ERC2: variants seen among roughly 807,000 people sequenced by gnomAD.
The protein encoded by ERC2 is ELKS/RAB6-interacting/CAST family member 2.
A neutral mutation model predicts 114.8 loss-of-function variants in ERC2; 42 were observed. The ratio of observed to expected loss-of-function variants is 0.37; its 90% CI spans 0.29 to 0.47. The LOEUF (loss-of-function observed/expected upper bound fraction) is 0.47, where lower values mean the gene tolerates loss of function less well. Among genes scored for constraint, ERC2 ranks in the 20% least tolerant of loss-of-function variants. The pLI is 0.99. For missense variants in ERC2, 939 were observed against 1,150.7 expected (o/e 0.82, Z 2.66); for synonymous variants, 454 against 425.5 (o/e 1.07, Z -0.82).
intron 3 of ERC2, among the ~76,000 whole-genome samples, chr3:56,244,512 C>T (rs2051544937): frequency 6.6e-6 from 1 of 151,986 alleles, no homozygotes; most frequent in Non-Finnish European, 1.5e-5. Flanking sequence ...CCCTGAAGAC[C>T]TTCCAGTGGG....
Position 55,582,019 on chromosome 3 carries a change from C to T in ERC2, c.*40-70743G>A, listed in dbSNP as rs532161797. Among the ~76,000 whole-genome samples, 33 of 152,312 alleles carry T rather than the reference C, an allele frequency of 2.2e-4. No homozygotes were observed. The South Asian group carries it at 6.6e-3, about 31-fold the overall frequency. ...CCAGTCCTGCAGTTATACACAGGCT[C>T]TCATCAACCTCCTGGCCTCTGTACA... On this transcript the variant is annotated intron_variant, in intron 17 of 17. Transcript: ENST00000288221.
intron 17 of ERC2, among the ~76,000 whole-genome samples, chr3:55,616,410 T>TA (rs1211962768): frequency 6.6e-6 from 1 of 152,178 alleles, no homozygotes; most frequent in African/African-American, 2.4e-5. Flanking sequence ...TTTATACAGA[T>TA]ACGTTTTTAT....
At chr3:55,818,945 G>C (rs1182035894) in intron 14 of ERC2, among the ~76,000 whole-genome samples, 2 of 152,156 alleles carry the variant, frequency 1.3e-5, no homozygotes, top group Non-Finnish European at 2.9e-5. Flanking sequence ...TGGGCACATA[G>C]GAAGGAACAA....
At chr3:55,705,498 A>G (rs2063434757) in intron 15 of ERC2, among the ~76,000 whole-genome samples, 1 of 152,194 alleles carries the variant, frequency 6.6e-6, no homozygotes, top group Admixed American at 6.5e-5. Context: ...TCAAAATAAC[A>G]TCAACCTGTG....
chr3:55,612,988 T>TA (rs1259040526), intron 17 of ERC2: 1 of 152,262 alleles, frequency 6.6e-6, no homozygotes, highest in African/African-American at 2.4e-5. Context: ...AATGCAAATG[T>TA]AACTGGATGT....
At chr3:55,537,248 T>C (rs1295616116) in intron 17 of ERC2, among the ~76,000 whole-genome samples, 5 of 152,178 alleles carry the variant, frequency 3.3e-5, no homozygotes, top group Non-Finnish European at 5.9e-5. Flanking sequence ...AATCAATGTC[T>C]GCAAATGACA....
In ERC2 at chr3:56,108,506, A is replaced by G. The variant is rs1011188464; in HGVS notation, c.1474-27522T>C. 6.6e-5 allele frequency among the ~76,000 whole-genome samples: 10 copies of G among 152,242 alleles called. No individual in the cohort carries two copies. The South Asian group carries it at 1.9e-3, about 28-fold the overall frequency. ...GATCTGAATACAAATATATATACACATATCTATTTCTTATACATATTTCAA... is the reference window on the plus strand; with the variant it reads ...GATCTGAATACAAATATATATACACGTATCTATTTCTTATACATATTTCAA... On this transcript the variant is annotated intron_variant, in intron 6 of 17. Transcript: ENST00000288221.
At chr3:56,002,695 T>G (rs898931105) in intron 10 of ERC2, among the ~76,000 whole-genome samples, 5 of 152,172 alleles carry the variant, frequency 3.3e-5, no homozygotes, top group Admixed American at 2.0e-4. Context: ...AATCTAAACC[T>G]GTTTTAACTT....
intron 14 of ERC2, among the ~76,000 whole-genome samples, chr3:55,873,645 T>TCCCCTTTG (rs1490911991): frequency 6.6e-6 from 1 of 152,194 alleles, no homozygotes; most frequent in East Asian, 1.9e-4. Context: ...AATCTAGTTT[T>TCCCCTTTG]CCCCTTTGAT....
At chr3:56,218,702 G>A (rs1268277000) in intron 3 of ERC2, among the ~76,000 whole-genome samples, 1 of 152,152 alleles carries the variant, frequency 6.6e-6, no homozygotes, top group African/African-American at 2.4e-5. Context: ...TAGGTTTATT[G>A]CGGCACTATT....
intron 12 of ERC2, among the ~76,000 whole-genome samples, chr3:55,956,707 T>C (rs2067977891): frequency 6.6e-6 from 1 of 152,170 alleles, no homozygotes; most frequent in Non-Finnish European, 1.5e-5. Context: ...CATGGACTTT[T>C]GCACCTTGTG....
chr3:56,096,020 A>G (rs1347556542), intron 6 of ERC2, among the ~76,000 whole-genome samples: 1 of 152,178 alleles, frequency 6.6e-6, no homozygotes, highest in Non-Finnish European at 1.5e-5. Context: ...TCAAAACTCC[A>G]GTCTCCTCAT....
intron 3 of ERC2, among the ~76,000 whole-genome samples, chr3:56,278,305 T>C (rs1016898119): frequency 6.6e-6 from 1 of 152,236 alleles, no homozygotes; most frequent in Non-Finnish European, 1.5e-5. Flanking sequence ...CTTTCAGGAA[T>C]GCATGACCTT....
At chr3:56,452,736 G>A (rs1199613216) in intron 1 of ERC2, among the ~76,000 whole-genome samples, 1 of 152,176 alleles carries the variant, frequency 6.6e-6, no homozygotes, top group Non-Finnish European at 1.5e-5. Context: ...GTTTAACCTT[G>A]AGCAAGTTAG....
intron 3 of ERC2, among the ~76,000 whole-genome samples, chr3:56,199,489 A>G (rs999375755): frequency 7.9e-5 from 12 of 152,100 alleles, no homozygotes; most frequent in African/African-American, 2.7e-4. Flanking sequence ...TTCAAGCAGA[A>G]GAATAACATG....
At chr3:56,235,084 C>T (rs937825440) in intron 3 of ERC2, among the ~76,000 whole-genome samples, 1 of 152,162 alleles carries the variant, frequency 6.6e-6, no homozygotes, top group African/African-American at 2.4e-5. Context: ...GGTAGAACAA[C>T]TGCTTTCACA....
At chr3:55,890,607 A>T (rs2063554838) in intron 13 of ERC2, among the ~76,000 whole-genome samples, 1 of 152,224 alleles carries the variant, frequency 6.6e-6, no homozygotes, top group African/African-American at 2.4e-5. Flanking sequence ...GACACTTTAG[A>T]GTAATGATTT....
chr3:56,048,293 C>T (rs541191692), intron 7 of ERC2, among the ~76,000 whole-genome samples: 12 of 152,246 alleles, frequency 7.9e-5, no homozygotes, highest in East Asian at 1.9e-4. Context: ...ATTGAATCTG[C>T]GTAACAAGTC....
chr3:56,411,935 G>A (rs1173001488), intron 2 of ERC2, among the ~76,000 whole-genome samples: 1 of 152,168 alleles, frequency 6.6e-6, no homozygotes, highest in African/African-American at 2.4e-5. Flanking sequence ...GTGGTTGATT[G>A]AATACTGGCC....
Sources: gnomAD v4.1 joint callset for allele counts (sites outside exome capture counted in the v4.1 genomes callset) on GRCh38, gnomAD v4.1.1 for gene constraint, MANE v1.5 for transcripts, NCBI Gene and HGNC (gene_info 2026-07-23, HGNC 2026-07-21) for gene names.